Variants in MAP3K5 observed in about 807,000 individuals in gnomAD.
MAP3K5 encodes mitogen-activated protein kinase kinase kinase 5.
A neutral mutation model predicts 158.7 loss-of-function variants in MAP3K5; 56 were observed. The ratio of observed to expected loss-of-function variants is 0.35; its 90% CI spans 0.28 to 0.44. The LOEUF is 0.44. MAP3K5 is among the 20% of genes least tolerant of loss of function. The probability of loss-of-function intolerance (pLI) is 1.00; values close to 1 mark genes in which losing one functional copy is unlikely to be tolerated. For synonymous variants in MAP3K5, 579 were observed against 601.7 expected (o/e 0.96, Z 0.55); for missense variants, 1,294 against 1,674.8 (o/e 0.77, Z 3.97).
intron 3 of MAP3K5, among the ~76,000 whole-genome samples, chr6:136,700,962 TTAAG>T (rs1203703398): frequency 2.6e-5 from 4 of 152,190 alleles, no homozygotes; most frequent in Non-Finnish European, 4.4e-5. Context: ...CCCTTAGCAC[TTAAG>T]TAATAAGTAC....
chr6:136,788,571 C>T (rs998290484), intron 1 of MAP3K5, among the ~76,000 whole-genome samples: 3 of 152,010 alleles, frequency 2.0e-5, no homozygotes, highest in African/African-American at 7.2e-5. Flanking sequence ...CAAATAACCC[C>T]GTTAAAAAGT....
At chr6:136,691,540 G>A (rs1780388090) in intron 7 of MAP3K5, among the ~76,000 whole-genome samples, 1 of 151,824 alleles carries the variant, frequency 6.6e-6, no homozygotes, top group Non-Finnish European at 1.5e-5. Context: ...GAACCCCGGA[G>A]GCAGAGGTTG....
chr6:136,646,545 C>G (rs1354170466), intron 11 of MAP3K5, among the ~76,000 whole-genome samples: 2 of 152,184 alleles, frequency 1.3e-5, no homozygotes, highest in East Asian at 1.9e-4. Context: ...TGGCTCTCTA[C>G]TCATTCTCTA....
intron 14 of MAP3K5, 46 bp downstream of exon 14, chr6:136,637,275 AGTTT>A: frequency 7.0e-7 from 1 of 1,432,958 alleles, no homozygotes; most frequent in Non-Finnish European, 9.9e-7. Flanking sequence ...GGCTTCAAAT[AGTTT>A]GTTTTAAAAT....
chr6:136,778,787 C>T (rs1052603066), intron 1 of MAP3K5, among the ~76,000 whole-genome samples: 4 of 152,298 alleles, frequency 2.6e-5, no homozygotes, highest in Middle Eastern at 6.8e-3. Context: ...CTGTTGGTAA[C>T]AGTTTCAGGG....
chr6:136,646,362 T>C (rs1002145223), intron 11 of MAP3K5, among the ~76,000 whole-genome samples: 1 of 152,176 alleles, frequency 6.6e-6, no homozygotes, highest in South Asian at 2.1e-4. Context: ...TAGCATAATA[T>C]AAAAATTGTC....
intron 25 of MAP3K5, among the ~76,000 whole-genome samples, chr6:136,569,426 T>A (rs1562512362): frequency 1.3e-5 from 2 of 152,230 alleles, no homozygotes; most frequent in African/African-American, 4.8e-5. Flanking sequence ...AATAAGAACC[T>A]TGGCTTCCAC....
rs1780289968 is a variant in MAP3K5, at chr6:136,689,358, G to A, written c.1253+4782C>T. On this transcript the variant is annotated intron_variant, in intron 7 of 29. Coordinates refer to ENST00000359015, the MANE Select transcript of MAP3K5 (RefSeq NM_005923.4). ...AAGATAAACTGTGAAACTCTTAGCA[G>A]TGTAATAAAAATTCATAGTACAAAT... is the stretch of plus-strand genomic sequence containing the variant. Among the ~76,000 whole-genome samples, 6 of 152,178 alleles carry A rather than the reference G, an allele frequency of 3.9e-5. No individual in the cohort carries two copies. The South Asian group carries it at 1.0e-3, about 26-fold the overall frequency.
At chr6:136,643,207 A>C (rs969008054) in intron 11 of MAP3K5, among the ~76,000 whole-genome samples, 1 of 152,250 alleles carries the variant, frequency 6.6e-6, no homozygotes, top group African/African-American at 2.4e-5. Flanking sequence ...GAGCCAAGGT[A>C]AAGAAAAATG....
At chr6:136,667,214 T>C (rs1178238624) in intron 8 of MAP3K5, among the ~76,000 whole-genome samples, 1 of 152,062 alleles carries the variant, frequency 6.6e-6, no homozygotes, top group African/African-American at 2.4e-5. Flanking sequence ...ATAGAACATA[T>C]ATACTGAAAA....
chr6:136,663,577 A>G (rs1009138626), intron 8 of MAP3K5, among the ~76,000 whole-genome samples: 2 of 142,088 alleles, frequency 1.4e-5, no homozygotes, highest in Non-Finnish European at 3.1e-5. Context: ...CATTAATTGC[A>G]TTTAGTTTTT....
At chr6:136,722,483 A>G (rs1781783822) in intron 1 of MAP3K5, among the ~76,000 whole-genome samples, 1 of 152,152 alleles carries the variant, frequency 6.6e-6, no homozygotes, top group Non-Finnish European at 1.5e-5. Flanking sequence ...ATTCATGGAA[A>G]TTTAAAATGG....
chr6:136,758,925 C>A (rs560620147), intron 1 of MAP3K5, among the ~76,000 whole-genome samples: 1 of 152,360 alleles, frequency 6.6e-6, no homozygotes, highest in Admixed American at 6.5e-5. Context: ...GTAATCCCAG[C>A]CCTTTGGGAG....
intron 1 of MAP3K5, among the ~76,000 whole-genome samples, chr6:136,730,153 G>GTTTTTTTT (rs60058823): frequency 7.5e-6 from 1 of 133,396 alleles, no homozygotes. Context: ...TTGTTTGGTT[G>GTTTTTTTT]TTTTTTTTTT....
intron 7 of MAP3K5, among the ~76,000 whole-genome samples, chr6:136,692,203 A>G (rs1780418516): frequency 6.6e-6 from 1 of 151,854 alleles, no homozygotes; most frequent in African/African-American, 2.4e-5. Flanking sequence ...CACCACACCC[A>G]GGTTGCTTAG....
At chr6:136,669,922 C>T (rs1435767172) in intron 7 of MAP3K5, among the ~76,000 whole-genome samples, 1 of 125,212 alleles carries the variant, frequency 8.0e-6, no homozygotes, top group Admixed American at 8.3e-5. Context: ...TGTGTGTGTA[C>T]AATAAACATT....
At chr6:136,650,616 T>C (rs1054861220) in intron 11 of MAP3K5, among the ~76,000 whole-genome samples, 7 of 152,266 alleles carry the variant, frequency 4.6e-5, no homozygotes, top group African/African-American at 1.4e-4. Flanking sequence ...GTGGCATCAT[T>C]CTGACAGGCT....
intron 7 of MAP3K5, among the ~76,000 whole-genome samples, chr6:136,691,949 T>A (rs1213443854): frequency 6.6e-6 from 1 of 152,178 alleles, no homozygotes; most frequent in Non-Finnish European, 1.5e-5. Flanking sequence ...CCTTGTCTGG[T>A]AATTCTAAAC....
At chr6:136,784,067 G>C (rs576191628) in intron 1 of MAP3K5, among the ~76,000 whole-genome samples, 2 of 152,140 alleles carry the variant, frequency 1.3e-5, no homozygotes, top group Admixed American at 6.5e-5. Context: ...CTCCCAAAAG[G>C]CTGGCTCCAG....
Sources: gnomAD v4.1 joint callset for allele counts (sites outside exome capture counted in the v4.1 genomes callset) on GRCh38, gnomAD v4.1.1 for gene constraint, MANE v1.5 for transcripts, NCBI Gene and HGNC (gene_info 2026-07-23, HGNC 2026-07-21) for gene names.